TUBD1: variants seen among roughly 807,000 people sequenced by gnomAD.
TUBD1 encodes tubulin delta chain.
In TUBD1, 38 loss-of-function variants were observed where a neutral mutation model predicts 51.2. That is an observed-to-expected ratio of 0.74 (90% CI 0.57 to 0.97). TUBD1 has a LOEUF of 0.97. TUBD1 is among the 50% of genes least tolerant of loss of function. The pLI, the probability that TUBD1 is intolerant of heterozygous loss-of-function variation, is 0.00. For synonymous variants in TUBD1, 169 were observed against 178.2 expected, an observed-to-expected ratio of 0.95 and a Z score of 0.41; for missense variants, 489 against 538.4, an observed-to-expected ratio of 0.91 and a Z score of 0.91.
intron 8 of TUBD1, among the ~76,000 whole-genome samples, chr17:59,861,400 T>A (rs1400684351): frequency 1.3e-5 from 2 of 151,924 alleles, no homozygotes; most frequent in African/African-American, 4.8e-5. Flanking sequence ...GGTTTCACCA[T>A]GTTGGCCAGG....
chr17:59,863,860 C>T lies in TUBD1; in HGVS notation c.1076-13G>A. 4 of 1,463,476 alleles carry T rather than the reference C, an allele frequency of 2.7e-6. No individual in the cohort carries two copies. Among genetic ancestry groups the T allele is most frequent in the Non-Finnish European group, 3.6e-6 (4 of 1,104,610 alleles). The allele number at this position is 1,463,476 out of a possible 1,614,324, so 90.7% of individuals were successfully genotyped here. A position where few individuals can be genotyped will look rare whatever the true frequency, so the allele number is the denominator to read the frequency against. ...TCTTTAAATCCCTCTAGAGTAAAAA[C>T]AAGATAAGCCGTCTTTTTATAGCAT... On this transcript the variant is annotated splice_polypyrimidine_tract_variant and intron_variant, in intron 7 of 8. Transcript: ENST00000325752.
chr17:59,885,315 G>A (rs1334498415), intron 3 of TUBD1: 2 of 628,458 alleles, frequency 3.2e-6, no homozygotes, highest in East Asian at 3.1e-5. Context: ...GGGGTGAACC[G>A]ATGCACTGGC....
chr17:59,864,615 C>G (rs1015861661), intron 7 of TUBD1, among the ~76,000 whole-genome samples: 1 of 152,136 alleles, frequency 6.6e-6, no homozygotes, highest in Non-Finnish European at 1.5e-5. Context: ...GATCCTCCCA[C>G]CTCAGCCTCC....
chr17:59,878,608 C>G (rs1433960729), intron 4 of TUBD1: 1 of 315,458 alleles, frequency 3.2e-6, no homozygotes, highest in Non-Finnish European at 6.0e-6. Flanking sequence ...CAGCCCCGAG[C>G]AGCTGGAATT....
At position 59,890,167 on chromosome 17, in the gene TUBD1, G is replaced by A. The variant is rs536455180; in HGVS notation, c.172+664C>T. On this transcript the variant is annotated intron_variant, in intron 2 of 8. Transcript: ENST00000325752. ...CAGTAGTTGGATCTGGTGATTCGGA[G>A]GTCACTGGAAACTTTTCTTAGAGCA... 5.3e-5 allele frequency among the ~76,000 whole-genome samples: 8 copies of A among 152,240 alleles called. No homozygotes were observed. The East Asian group carries it at 1.5e-3, about 29-fold the overall frequency.
intron 5 of TUBD1, 97 bp downstream of exon 5, chr17:59,878,006 A>AGT (rs1023677746): frequency 2.2e-6 from 2 of 912,134 alleles, no homozygotes; most frequent in Non-Finnish European, 3.3e-6. Flanking sequence ...GCAAGACTTA[A>AGT]GTGTATCTTC....
intron 3 of TUBD1, chr17:59,885,444 C>A (rs1383748802): frequency 8.4e-6 from 12 of 1,436,486 alleles, no homozygotes; most frequent in Non-Finnish European, 1.2e-5. Context: ...GGGATATGTA[C>A]CCTGTCTACC....
intron 6 of TUBD1, among the ~76,000 whole-genome samples, chr17:59,873,489 G>A (rs1242990582): frequency 1.3e-5 from 2 of 152,110 alleles, no homozygotes; most frequent in African/African-American, 2.4e-5. Context: ...GGGCTCAAGC[G>A]CTTCTCCTGC....
At chr17:59,880,833 C>T in intron 4 of TUBD1, 61 bp downstream of exon 4, 1 of 1,497,008 alleles carries the variant, frequency 6.7e-7, no homozygotes, top group Non-Finnish European at 9.3e-7. Context: ...AATCTTTTAC[C>T]CATATTTATT....
intron 3 of TUBD1, chr17:59,885,428 G>C (rs1386819625): frequency 9.4e-6 from 12 of 1,272,410 alleles, no homozygotes; most frequent in Middle Eastern, 2.3e-4. Context: ...TTCATGTTCT[G>C]GGTGGGGGAT....
chr17:59,877,777 C>CAAA (rs11288183), intron 5 of TUBD1, among the ~76,000 whole-genome samples: 1 of 128,950 alleles, frequency 7.8e-6, no homozygotes. Context: ...GACTCTGTCT[C>CAAA]AAAAAAAAAA....
In TUBD1 at chr17:59,868,841, AT is replaced by A. The variant is rs2039843329; in HGVS notation, c.935-2093del. 2.0e-5 allele frequency among the ~76,000 whole-genome samples: 3 copies of A among 151,410 alleles called. No individual in the cohort carries two copies. In the Admixed American group the frequency reaches 2.0e-4, roughly 10 times the overall value. On this transcript the variant is annotated intron_variant, in intron 6 of 8. Coordinates refer to ENST00000325752, the MANE Select transcript of TUBD1 (RefSeq NM_016261.4). ...ACGGAGCGAGACTCCATCTCAAAAA[AT>A]AAATAAATAAATAAATAAATAAGAA...
At chr17:59,868,065 C>A (rs2039789486) in intron 6 of TUBD1, among the ~76,000 whole-genome samples, 1 of 141,778 alleles carries the variant, frequency 7.1e-6, no homozygotes, top group Non-Finnish European at 1.5e-5. Context: ...GAGTTTGAGA[C>A]CAGCCTGGCC....
chr17:59,863,897 TGTGAAAACAAACAAACAGA>T, intron 7 of TUBD1, 50 bp from the exon 8 acceptor site: 1 of 1,322,620 alleles, frequency 7.6e-7, no homozygotes, highest in Non-Finnish European at 9.9e-7. Context: ...AATTAGTAAT[TGTGAAAACAAACAAACAGA>T]TATTTTCTTG....
Position 59,886,461 on chromosome 17 carries a change from T to TAA in TUBD1, c.173-233_173-232dup, listed in dbSNP as rs543249843. On this transcript the variant is annotated intron_variant, in intron 2 of 8. Coordinates refer to ENST00000325752, the MANE Select transcript of TUBD1 (RefSeq NM_016261.4). Reference sequence around the variant, plus strand: ...TAAGCAGGCTGAATCAGTGTGGGCCTAAAAGAGTACCTGGGTCAGATTAGC... The same window carrying TAA: ...TAAGCAGGCTGAATCAGTGTGGGCCTAAAAAAGAGTACCTGGGTCAGATTAGC... 2.1e-4 allele frequency: 90 copies of TAA among 436,228 alleles called. No individual in the cohort carries two copies. In the South Asian group the frequency reaches 2.8e-3, roughly 14 times the overall value. 27.0% of individuals were successfully genotyped at this position (436,228 alleles called of 1,614,324 possible). A position where few individuals can be genotyped will look rare whatever the true frequency, so the allele number is the denominator to read the frequency against.
chr17:59,868,614 G>A (rs1488792316), intron 6 of TUBD1, among the ~76,000 whole-genome samples: 2 of 151,994 alleles, frequency 1.3e-5, no homozygotes, highest in Non-Finnish European at 1.5e-5. Flanking sequence ...CAGAGGGGGG[G>A]GATCACGAGT....
Position 59,860,285 on chromosome 17 carries a change from G to T in TUBD1, c.*37C>A. The T allele has an allele frequency of 7.2e-7, 1 of 1,392,418 alleles. No individual in the cohort carries two copies. Among genetic ancestry groups the T allele is most frequent in the Non-Finnish European group, 1.0e-6 (1 of 993,938 alleles). 86.3% of individuals were successfully genotyped at this position (1,392,418 alleles called of 1,614,324 possible). On this transcript the variant is annotated 3_prime_UTR_variant, in exon 9 of 9. Transcript: ENST00000325752. ...ATAGTATTGAAAATATTTTAGTCCA[G>T]AAATGCCTTAAGGTATACTTTTCCC... is the stretch of plus-strand genomic sequence containing the variant.
At chr17:59,860,469 T>A in intron 8 of TUBD1, 45 bp from the exon 9 acceptor site, 1 of 1,271,518 alleles carries the variant, frequency 7.9e-7, no homozygotes, top group Non-Finnish European at 1.1e-6. Flanking sequence ...ATAAAAAATG[T>A]CTGGCAAATG....
At chr17:59,885,187 G>C in intron 3 of TUBD1, 1 of 422,996 alleles carries the variant, frequency 2.4e-6, no homozygotes, top group Non-Finnish European at 4.6e-6. Context: ...TATAACATGT[G>C]TGTGGGAGAC....
Sources: gnomAD v4.1 joint callset for allele counts (sites outside exome capture counted in the v4.1 genomes callset) on GRCh38, gnomAD v4.1.1 for gene constraint, MANE v1.5 for transcripts, NCBI Gene and HGNC (gene_info 2026-07-23, HGNC 2026-07-21) for gene names.